Variants in PARVG observed in about 807,000 individuals in gnomAD.
PARVG encodes the protein gamma-parvin.
PARVG carries 36 observed loss-of-function variants against 44.4 expected under a neutral mutation model. The observed-to-expected ratio is 0.81, with a 90% CI of 0.62 to 1.07. The LOEUF is 1.07. PARVG is among the 50% of genes least tolerant of loss of function. PARVG has a pLI of 0.00. For missense variants in PARVG, 407 were observed against 407.4 expected (o/e 1.00, Z 0.01); for synonymous variants, 170 against 174.1 (o/e 0.98, Z 0.19).
At chr22:44,191,910 A>C in intron 7 of PARVG, 139 bp from the exon 8 acceptor site, 1 of 954,740 alleles carries the variant, frequency 1.0e-6, no homozygotes, top group Non-Finnish European at 1.6e-6. Flanking sequence ...CCCCAACCTC[A>C]AGACTCCTGG....
Position 44,208,328 on chromosome 22 carries a change from A to G in PARVG, c.*1902A>G, listed in dbSNP as rs2054805035. On this transcript the variant is annotated 3_prime_UTR_variant, in exon 14 of 14. Coordinates refer to ENST00000444313, the MANE Select transcript of PARVG (RefSeq NM_022141.7). ...CACCATCGTTATCCAGACATGGGAC[A>G]TTCCCATCACCATGCAAGTTTCTGC... The G allele has an allele frequency of 6.6e-6, 1 of 152,262 alleles. No individual in the cohort carries two copies. The highest frequency in any genetic ancestry group is 1.5e-5 in the Non-Finnish European group (1 of 68,042). The allele number at this position is 152,262 out of a possible 1,614,324, so 9.4% of individuals were successfully genotyped here.
intron 8 of PARVG, among the ~76,000 whole-genome samples, chr22:44,193,267 AGT>A (rs1218617857): frequency 6.6e-6 from 1 of 152,128 alleles, no homozygotes; most frequent in African/African-American, 2.4e-5. Context: ...ATAAAAATGG[AGT>A]GAAAGAAGCC....
intron 9 of PARVG, among the ~76,000 whole-genome samples, chr22:44,195,340 G>A (rs778321554): frequency 1.3e-5 from 2 of 152,194 alleles, no homozygotes; most frequent in South Asian, 2.1e-4. Context: ...ACTAACAAGG[G>A]AACTGAAACA....
Position 44,196,331 on chromosome 22 carries a change from G to A in PARVG, c.643-16G>A, listed in dbSNP as rs759332061. On this transcript the variant is annotated splice_polypyrimidine_tract_variant and intron_variant, in intron 10 of 13. Coordinates refer to ENST00000444313, the MANE Select transcript of PARVG (RefSeq NM_022141.7). Reference sequence around the variant, plus strand: ...CACACCTGCTGTGTGCTAGGCCCTTGTTCTTCCCTGGTTAGGCCATCGTGA... The same window carrying A: ...CACACCTGCTGTGTGCTAGGCCCTTATTCTTCCCTGGTTAGGCCATCGTGA... The A allele has an allele frequency of 1.9e-6, 3 of 1,614,088 alleles. No individual in the cohort carries two copies. Among genetic ancestry groups the A allele is most frequent in the South Asian group, 2.2e-5 (2 of 91,088 alleles).
At chr22:44,193,935 C>T in intron 9 of PARVG, 112 bp downstream of exon 9, 1 of 1,335,798 alleles carries the variant, frequency 7.5e-7, no homozygotes, top group South Asian at 1.3e-5. Context: ...CTGTCACTTG[C>T]TGTTTGTATC....
intron 6 of PARVG, 126 bp downstream of exon 6, chr22:44,189,380 C>G: frequency 7.1e-7 from 1 of 1,411,060 alleles, no homozygotes; most frequent in Non-Finnish European, 9.5e-7. Context: ...ACCTGGGAGT[C>G]AGGAAGGAGG....
At chr22:44,177,854 G>A (rs560968571), upstream of PARVG, among the ~76,000 whole-genome samples, 1 of 151,986 alleles carries the variant, frequency 6.6e-6, no homozygotes, top group Non-Finnish European at 1.5e-5. Context: ...AGAGTGCACT[G>A]TTTCTATTTT....
intron 1 of PARVG, among the ~76,000 whole-genome samples, chr22:44,174,939 T>C (rs554428093): frequency 6.6e-6 from 1 of 151,778 alleles, no homozygotes; most frequent in African/African-American, 2.4e-5. Flanking sequence ...CTGGCTAACA[T>C]GGTGAAACCC....
chr22:44,197,632 T>C (rs955387214), intron 11 of PARVG, among the ~76,000 whole-genome samples: 2 of 152,014 alleles, frequency 1.3e-5, no homozygotes, highest in African/African-American at 4.8e-5. Context: ...GGCCCTGGGG[T>C]CTGCTGAGAA....
At chr22:44,185,528 GT>G (rs1324841180) in intron 3 of PARVG, 1 of 323,406 alleles carries the variant, frequency 3.1e-6, no homozygotes, top group African/African-American at 2.1e-5. Context: ...ACCTAAATAG[GT>G]AGGGTTGCCA....
chr22:44,176,165 C>G (rs1294788195), upstream of PARVG, among the ~76,000 whole-genome samples: 1 of 152,220 alleles, frequency 6.6e-6, no homozygotes, highest in African/African-American at 2.4e-5. Context: ...CCCTGGTATC[C>G]TCTGTGGAGT....
At chr22:44,196,027 C>T (rs1295590006) in intron 9 of PARVG, 128 bp from the exon 10 acceptor site, 6 of 962,976 alleles carry the variant, frequency 6.2e-6, no homozygotes, top group Non-Finnish European at 9.6e-6. Context: ...TATTTGAGAA[C>T]CATGATGTAA....
At chr22:44,178,438 C>T (rs73163833), upstream of PARVG, among the ~76,000 whole-genome samples, 30 of 152,244 alleles carry the variant, frequency 2.0e-4, no homozygotes, top group South Asian at 4.1e-4. Context: ...GCAGAGATTA[C>T]GCTTATTAAA....
intron 7 of PARVG, 84 bp downstream of exon 7, chr22:44,190,750 G>A: frequency 8.2e-7 from 1 of 1,218,662 alleles, no homozygotes; most frequent in Non-Finnish European, 1.2e-6. Flanking sequence ...GGTGGAGCTG[G>A]CTGGGGCGGG....
rs372761996 is a variant in PARVG at position 44,193,750 on chromosome 22, C to T, written c.561-51C>T. The T allele has an allele frequency of 6.2e-5, 99 of 1,601,864 alleles. 1 individual carries two copies. Among genetic ancestry groups the T allele is most frequent in the South Asian group, 4.8e-4 (42 of 88,004 alleles). The stretch of plus-strand genomic sequence containing the variant: ...GTCATATTGAGAAATTGTAGGTTTG[C>T]GGGGTGTTTTTTTTTTAACCATTTG... On this transcript the variant is annotated intron_variant, in intron 8 of 13. Transcript: ENST00000444313.
intron 7 of PARVG, 66 bp from the exon 8 acceptor site, chr22:44,191,980 TCAC>T: frequency 6.5e-7 from 1 of 1,538,110 alleles, no homozygotes; most frequent in Non-Finnish European, 9.0e-7. Context: ...AGCAAACGGA[TCAC>T]TGGGGCTTCT....
chr22:44,175,080 C>T (rs558255286), intron 1 of PARVG, among the ~76,000 whole-genome samples: 1 of 152,382 alleles, frequency 6.6e-6, no homozygotes, highest in Admixed American at 6.5e-5. Flanking sequence ...TGAGACTGCA[C>T]CATTGTATTC....
At chr22:44,189,404 C>T in intron 6 of PARVG, 150 bp downstream of exon 6, 2 of 1,230,832 alleles carry the variant, frequency 1.6e-6, no homozygotes, top group Non-Finnish European at 2.2e-6. Flanking sequence ...AAGCCTCAGG[C>T]AGCCACAGTC....
chr22:44,202,387 C>G (rs550957478), intron 12 of PARVG, among the ~76,000 whole-genome samples: 2 of 152,314 alleles, frequency 1.3e-5, no homozygotes, highest in South Asian at 4.1e-4. Context: ...GGCTCGGAAC[C>G]CAGCTCAGAG....
Sources: allele counts gnomAD v4.1 joint callset (sites outside exome capture counted in the v4.1 genomes callset), GRCh38; gene constraint gnomAD v4.1.1; transcripts MANE v1.5; gene names NCBI Gene and HGNC (gene_info 2026-07-23, HGNC 2026-07-21).